Variants in SLC26A7 observed in about 807,000 individuals in gnomAD.
SLC26A7 encodes the protein anion exchange transporter.
Under a neutral mutation model 82.5 loss-of-function variants are expected in SLC26A7, and 59 were observed. That is an observed-to-expected ratio of 0.72 (90% CI 0.58 to 0.89). The LOEUF (loss-of-function observed/expected upper bound fraction) is 0.89. Among genes scored for constraint, SLC26A7 ranks in the 40% least tolerant of loss-of-function variants. The pLI is 0.00. For missense variants in SLC26A7, 820 were observed against 793.0 expected (o/e 1.03, Z -0.41); for synonymous variants, 271 against 274.3 (o/e 0.99, Z 0.12).
At chr8:91,375,100 C>A (rs1814473575) in intron 15 of SLC26A7, among the ~76,000 whole-genome samples, 1 of 151,476 alleles carries the variant, frequency 6.6e-6, no homozygotes, top group Non-Finnish European at 1.5e-5. Flanking sequence ...AGATCTTTCT[C>A]CACCCCCTTA....
chr8:91,265,926 A>G (rs1811100226), intron 2 of SLC26A7, among the ~76,000 whole-genome samples: 1 of 152,040 alleles, frequency 6.6e-6, no homozygotes, highest in Non-Finnish European at 1.5e-5. Context: ...GCTATGCAGA[A>G]GCTTTTTAGT....
intron 4 of SLC26A7, among the ~76,000 whole-genome samples, chr8:91,308,056 A>T (rs1273749463): frequency 6.6e-6 from 1 of 152,148 alleles, no homozygotes; most frequent in Non-Finnish European, 1.5e-5. Context: ...AGGATACCAC[A>T]TTACATTTAG....
intron 2 of SLC26A7, among the ~76,000 whole-genome samples, chr8:91,273,105 A>C (rs1563653849): frequency 6.6e-6 from 1 of 152,122 alleles, no homozygotes; most frequent in Non-Finnish European, 1.5e-5. Context: ...TGGTGATGCC[A>C]TTTTCTGAGA....
intron 9 of SLC26A7, chr8:91,344,344 C>A: frequency 4.0e-6 from 1 of 247,698 alleles, no homozygotes; most frequent in Non-Finnish European, 6.4e-6. Flanking sequence ...CTTGGATACA[C>A]AAGAAAAATC....
chr8:91,370,178 C>CTT lies in SLC26A7; in HGVS notation c.1675+353_1675+354dup, dbSNP rs34930979. On this transcript the variant is annotated intron_variant, in intron 15 of 18. Transcript: ENST00000276609. The stretch of plus-strand genomic sequence containing the variant: ...TCCTCCTCTCTCTTCTTCTTTCCTT[C>CTT]TTTTTTTTTCTATTTTCTCCTCCTT... Among the ~76,000 whole-genome samples the CTT allele has an allele frequency of 5.2e-3, 772 of 147,574 alleles. 10 individuals are homozygous for CTT. The highest frequency in any genetic ancestry group is 0.018 in the African/African-American group (704 of 39,336).
chr8:91,225,108 G>A (rs1428981139), intron 2 of SLC26A7, among the ~76,000 whole-genome samples: 23 of 152,228 alleles, frequency 1.5e-4, no homozygotes, highest in Non-Finnish European at 5.9e-5. Flanking sequence ...AGCTTTGCGT[G>A]TTAGGCAGTT....
chr8:91,349,031 A>G (rs769023355), intron 9 of SLC26A7, among the ~76,000 whole-genome samples: 46 of 152,166 alleles, frequency 3.0e-4, no homozygotes, highest in Non-Finnish European at 5.7e-4. Context: ...TACGAATCCA[A>G]ATTTCAGTGT....
intron 4 of SLC26A7, among the ~76,000 whole-genome samples, chr8:91,313,659 C>A (rs761899463): frequency 5.9e-5 from 9 of 152,148 alleles, no homozygotes; most frequent in Admixed American, 1.3e-4. Context: ...GGTTAACAGT[C>A]CCCTTTCCCA....
rs978013053 is a variant in SLC26A7 at position 91,398,101 on chromosome 8, G to A, written c.*3004G>A. On this transcript the variant is annotated 3_prime_UTR_variant, in exon 19 of 19. Transcript: ENST00000276609. ...ATAATTCTTTGTACTAACTCAGCAT[G>A]TAACAACCAATTTACATGGAAATAA... is the stretch of plus-strand genomic sequence containing the variant. 1.1e-4 allele frequency: 17 copies of A among 152,438 alleles called. No individual in the cohort carries two copies. Among genetic ancestry groups the A allele is most frequent in the African/African-American group, 4.1e-4 (17 of 41,384 alleles). 9.4% of individuals were successfully genotyped at this position (152,438 alleles called of 1,614,324 possible). A position where few individuals can be genotyped will look rare whatever the true frequency, so the allele number is the denominator to read the frequency against.
At chr8:91,327,699 A>C (rs1382176918) in intron 5 of SLC26A7, among the ~76,000 whole-genome samples, 2 of 152,200 alleles carry the variant, frequency 1.3e-5, no homozygotes, top group Admixed American at 1.3e-4. Context: ...CTACTATTAA[A>C]ATAGTGTGCT....
chr8:91,254,703 G>C (rs1171573303), intron 2 of SLC26A7, among the ~76,000 whole-genome samples: 2 of 152,042 alleles, frequency 1.3e-5, no homozygotes, highest in Non-Finnish European at 2.9e-5. Context: ...TAATTTCAAA[G>C]AAAGAAAGAT....
intron 13 of SLC26A7, among the ~76,000 whole-genome samples, chr8:91,364,382 A>G (rs984190703): frequency 6.6e-5 from 10 of 152,282 alleles, no homozygotes; most frequent in African/African-American, 1.9e-4. Context: ...CTGGAAGTAG[A>G]AAGTAGCATC....
chr8:91,334,318 C>T lies in SLC26A7; in HGVS notation c.666C>T (p.Asn222=). 1 of 1,612,078 alleles carries T rather than the reference C, an allele frequency of 6.2e-7. No individual in the cohort carries two copies. The highest frequency in any genetic ancestry group is 8.5e-7 in the Non-Finnish European group (1 of 1,179,060). Reference sequence around the variant, plus strand: ...AGATTTATGCATATGTTTTTGAAAACATCAAGTCTGTGCGACTGGAAGCAT... The same window carrying T: ...AGATTTATGCATATGTTTTTGAAAATATCAAGTCTGTGCGACTGGAAGCAT... ...FFYIYAYVFE[N]IKSVRLEALL... is the part of the protein sequence containing the mutation. Residue 222 remains asparagine (N), a synonymous_variant, in exon 6 of 19, where the codon AAC becomes AAT. Coordinates refer to ENST00000276609, the MANE Select transcript of SLC26A7 (RefSeq NM_052832.4).
At chr8:91,293,144 C>T (rs1374245878) in intron 3 of SLC26A7, among the ~76,000 whole-genome samples, 1 of 152,066 alleles carries the variant, frequency 6.6e-6, no homozygotes, top group Non-Finnish European at 1.5e-5. Flanking sequence ...GGTAACTTGA[C>T]CAAGATCAGA....
At chr8:91,357,295 C>T (rs1813896846) in intron 11 of SLC26A7, 1 of 152,138 alleles carries the variant, frequency 6.6e-6, no homozygotes, top group Non-Finnish European at 1.5e-5. Context: ...CTAGTGTCCT[C>T]CTTGATTATC....
chr8:91,295,823 GTGTTTTA>G, intron 4 of SLC26A7, 120 bp downstream of exon 4: 1 of 907,964 alleles, frequency 1.1e-6, no homozygotes, highest in Non-Finnish European at 1.6e-6. Context: ...AAGGCCTGAT[GTGTTTTA>G]TCATTATGGA....
rs1808477915 is a variant in SLC26A7 at position 91,393,876 on chromosome 8, T to C, written c.1831+25T>C. Reference sequence around the variant, plus strand: ...GGTAAGAGAATGTCCCTGACTAACGTTGAATGTGATTTTTCTGCACTTCCA... The same window carrying C: ...GGTAAGAGAATGTCCCTGACTAACGCTGAATGTGATTTTTCTGCACTTCCA... On this transcript the variant is annotated intron_variant, in intron 17 of 18. Transcript: ENST00000276609. 4 of 1,613,350 alleles carry C rather than the reference T, an allele frequency of 2.5e-6. No homozygotes were observed. In the South Asian group the frequency reaches 3.3e-5, roughly 13 times the overall value.
chr8:91,245,538 G>A (rs1810533606), upstream of SLC26A7, among the ~76,000 whole-genome samples: 1 of 152,098 alleles, frequency 6.6e-6, no homozygotes, highest in South Asian at 2.1e-4. Context: ...GCCTTTTACA[G>A]TGTCTTCTTA....
chr8:91,389,762 A>G (rs1814902286), intron 16 of SLC26A7, among the ~76,000 whole-genome samples: 1 of 152,196 alleles, frequency 6.6e-6, no homozygotes. Flanking sequence ...AGGAAGGAGA[A>G]AAGCCCATTC....
Sources: gnomAD v4.1 joint callset for allele counts (sites outside exome capture counted in the v4.1 genomes callset) on GRCh38, gnomAD v4.1.1 for gene constraint, MANE v1.5 for transcripts, NCBI Gene and HGNC (gene_info 2026-07-23, HGNC 2026-07-21) for gene names.